IVD: variants seen among roughly 807,000 people sequenced by gnomAD.
The protein encoded by IVD is isovaleryl-CoA dehydrogenase, also known as isovaleryl-CoA dehydrogenase, mitochondrial.
In IVD, 31 loss-of-function variants were observed where a neutral mutation model predicts 51.3. The ratio of observed to expected loss-of-function variants is 0.60; its 90% CI spans 0.45 to 0.81. The LOEUF (loss-of-function observed/expected upper bound fraction) is 0.81. Among genes scored for constraint, IVD ranks in the 40% least tolerant of loss-of-function variants. The pLI is 0.00. For synonymous variants in IVD, 205 were observed against 219.4 expected (o/e 0.93, Z 0.58); for missense variants, 475 against 552.0 (o/e 0.86, Z 1.40).
chr15:40,408,468 C>A (rs1890701332), intron 3 of IVD, among the ~76,000 whole-genome samples: 1 of 152,130 alleles, frequency 6.6e-6, no homozygotes, highest in South Asian at 2.1e-4. Flanking sequence ...CATTTGGGAG[C>A]AGATAGCGGG....
rs1891943799 is a variant in IVD, at chr15:40,418,345, C to A, written c.*82C>A. The A allele has an allele frequency of 1.2e-6, 2 of 1,603,868 alleles. No homozygotes were observed. Among genetic ancestry groups the A allele is most frequent in the South Asian group, 2.2e-5 (2 of 90,220 alleles). On this transcript the variant is annotated 3_prime_UTR_variant, in exon 12 of 12. Transcript: ENST00000487418. Reference sequence around the variant, plus strand: ...GATGTGGCGGCTTTCCCACCCTGCCCACAGCAGGCCCTCCTGCCCAGCTGC... The same window carrying A: ...GATGTGGCGGCTTTCCCACCCTGCCAACAGCAGGCCCTCCTGCCCAGCTGC...
chr15:40,435,227 T>C (rs892323228), intron 8 of IVD, among the ~76,000 whole-genome samples: 1 of 152,146 alleles, frequency 6.6e-6, no homozygotes, highest in Admixed American at 6.5e-5. Flanking sequence ...CCCATGTTTG[T>C]CTTTCTTGTT....
chr15:40,424,284 C>G (rs1892542022), downstream of IVD: 7 of 844,878 alleles, frequency 8.3e-6, no homozygotes, highest in Non-Finnish European at 1.0e-5. Context: ...TCTGCTGCTT[C>G]CCTCCTTCCC....
downstream of IVD, among the ~76,000 whole-genome samples, chr15:40,423,621 C>G (rs1422752638): frequency 3.9e-5 from 6 of 152,078 alleles, no homozygotes; most frequent in Non-Finnish European, 8.8e-5. Flanking sequence ...ACCACCATGC[C>G]CGGCTAATTT....
At position 40,418,850 on chromosome 15, in the gene IVD, T is replaced by G; in HGVS notation, c.*587T>G. 1.2e-6 allele frequency: 1 copy of G among 836,580 alleles called. No homozygotes were observed. The highest frequency in any genetic ancestry group is 1.5e-6 in the Non-Finnish European group (1 of 653,830). 51.8% of individuals were successfully genotyped at this position (836,580 alleles called of 1,614,324 possible). On this transcript the variant is annotated 3_prime_UTR_variant, in exon 12 of 12. Coordinates refer to ENST00000487418, the MANE Select transcript of IVD (RefSeq NM_002225.5). ...GGGGAAAAAAATAATAAACCTAGCC[T>G]AGCCAGGCGTGGTGGCTCATGCTTG...
At chr15:40,422,482 G>A (rs11635071), downstream of IVD, among the ~76,000 whole-genome samples, 69,542 of 149,006 alleles carry the variant, frequency 0.47, 18,030 homozygotes, top group East Asian at 0.79. Context: ...ACGGGGTTTC[G>A]CCGTGTTAGC....
intron 7 of IVD, chr15:40,414,478 G>A: frequency 3.6e-6 from 1 of 278,492 alleles, no homozygotes; most frequent in Admixed American, 4.1e-5. Flanking sequence ...GGACTACTCT[G>A]CAGGGAGGTG....
chr15:40,422,164 C>T (rs1409536231), downstream of IVD, among the ~76,000 whole-genome samples: 2 of 152,248 alleles, frequency 1.3e-5, no homozygotes, highest in Non-Finnish European at 2.9e-5. Context: ...TGGCCTTTGC[C>T]TGGGGTTCAA....
chr15:40,407,599 T>C lies in IVD; in HGVS notation c.145-37T>C. 2.1e-6 allele frequency: 3 copies of C among 1,430,002 alleles called. No individual in the cohort carries two copies. In the Admixed American group the frequency reaches 5.0e-5, roughly 24 times the overall value. The allele number at this position is 1,430,002 out of a possible 1,614,324, so 88.6% of individuals were successfully genotyped here. A position where few individuals can be genotyped will look rare whatever the true frequency, so the allele number is the denominator to read the frequency against. On this transcript the variant is annotated intron_variant, in intron 1 of 11. Coordinates refer to ENST00000487418, the MANE Select transcript of IVD (RefSeq NM_002225.5). The stretch of plus-strand genomic sequence containing the variant: ...GAATGTGTCTGGGTAGTGGAGATGC[T>C]GTCTGCAGTGGCATCTGTTTACCTC...
chr15:40,435,405 T>C lies in IVD; in HGVS notation c.781-12T>C, dbSNP rs1310550382. On this transcript the variant is annotated splice_polypyrimidine_tract_variant and intron_variant, in intron 8 of 8. Coordinates refer to the IVD transcript ENST00000473112. ...TGTGGACAGCGCTAAAAGAGGGCTC[T>C]CTTTCCCCTAGGGCAGACCTTTTCC... 5.3e-6 allele frequency: 6 copies of C among 1,127,688 alleles called. No individual in the cohort carries two copies. In the Admixed American group the frequency reaches 1.8e-4, roughly 34 times the overall value. 69.9% of individuals were successfully genotyped at this position (1,127,688 alleles called of 1,614,324 possible). A position where few individuals can be genotyped will look rare whatever the true frequency, so the allele number is the denominator to read the frequency against.
At chr15:40,411,464 AG>A in intron 5 of IVD, 90 bp from the exon 6 acceptor site, 1 of 1,603,924 alleles carries the variant, frequency 6.2e-7, no homozygotes, top group Non-Finnish European at 8.5e-7. Context: ...ACTTTCTCAA[AG>A]GTGGACAGCT....
intron 6 of IVD, 29 bp from the exon 7 acceptor site, chr15:40,412,962 A>C: frequency 6.2e-7 from 1 of 1,600,804 alleles, no homozygotes; most frequent in Non-Finnish European, 8.6e-7. Flanking sequence ...CTAATCTGTA[A>C]CCAGGACCAC....
chr15:40,421,061 G>A lies in IVD; in HGVS notation c.*2798G>A. 1 of 985,466 alleles carries A rather than the reference G, an allele frequency of 1.0e-6. No homozygotes were observed. Among genetic ancestry groups the A allele is most frequent in the South Asian group, 4.7e-5 (1 of 21,290 alleles). The allele number at this position is 985,466 out of a possible 1,614,324, so 61.0% of individuals were successfully genotyped here. A position where few individuals can be genotyped will look rare whatever the true frequency, so the allele number is the denominator to read the frequency against. ...TCCCATCCTGAGGGCAAGATCCTGG[G>A]CTCATAGGCAGTCCCTTTCACTTCC... is the stretch of plus-strand genomic sequence containing the variant. On this transcript the variant is annotated 3_prime_UTR_variant, in exon 12 of 12. Coordinates refer to ENST00000487418, the MANE Select transcript of IVD (RefSeq NM_002225.5).
Position 40,421,036 on chromosome 15 carries a change from T to C in IVD, c.*2773T>C. On this transcript the variant is annotated 3_prime_UTR_variant, in exon 12 of 12. Transcript: ENST00000487418. ...TGGCTCCTCACCAACCCCAGTTCCG[T>C]CCCATCCTGAGGGCAAGATCCTGGG... The C allele has an allele frequency of 3.0e-6, 3 of 985,448 alleles. No individual in the cohort carries two copies. Among genetic ancestry groups the C allele is most frequent in the Non-Finnish European group, 3.6e-6 (3 of 829,978 alleles). 61.0% of individuals were successfully genotyped at this position (985,448 alleles called of 1,614,324 possible).
rs113309937 is a variant in IVD at position 40,416,256 on chromosome 15, G to A, written c.1066-34G>A. On this transcript the variant is annotated intron_variant, in intron 10 of 11. Coordinates refer to ENST00000487418, the MANE Select transcript of IVD (RefSeq NM_002225.5). ...CTGAGACTTGCTGTCTGCGTGCCTC[G>A]CAGGGCCCTGCTGACCCCAGCTTCC... 1.8e-3 allele frequency: 2,882 copies of A among 1,613,550 alleles called. 54 individuals are homozygous for A. The African/African-American group carries it at 0.032, about 18-fold the overall frequency.
chr15:40,415,074 C>T, intron 8 of IVD, 92 bp downstream of exon 8: 1 of 1,444,162 alleles, frequency 6.9e-7, no homozygotes, highest in African/African-American at 1.4e-5. Flanking sequence ...CCTTGCGGGG[C>T]CAAAGGGAGC....
At chr15:40,428,488 C>G (rs1892793634), downstream of IVD, among the ~76,000 whole-genome samples, 3 of 152,140 alleles carry the variant, frequency 2.0e-5, no homozygotes, top group African/African-American at 7.2e-5. Flanking sequence ...GGTACCCTCC[C>G]TCCCTAGGAG....
chr15:40,409,923 A>T (rs1595765423), intron 3 of IVD, among the ~76,000 whole-genome samples: 1 of 142,038 alleles, frequency 7.0e-6, no homozygotes, highest in Admixed American at 7.6e-5. Flanking sequence ...TGCAAGCTCC[A>T]CCTGCCAGGT....
In IVD at chr15:40,420,458, G is replaced by A. The variant is rs757183267; in HGVS notation, c.*2195G>A. 3.6e-5 allele frequency: 36 copies of A among 987,586 alleles called. No homozygotes were observed. The highest frequency in any genetic ancestry group is 1.2e-4 in the Admixed American group (2 of 16,284). The allele number at this position is 987,586 out of a possible 1,614,324, so 61.2% of individuals were successfully genotyped here. A position where few individuals can be genotyped will look rare whatever the true frequency, so the allele number is the denominator to read the frequency against. On this transcript the variant is annotated 3_prime_UTR_variant, in exon 12 of 12. Coordinates refer to ENST00000487418, the MANE Select transcript of IVD (RefSeq NM_002225.5). Reference sequence around the variant, plus strand: ...ATATTGTGAAACAAACCTATCTGGGGAGAAGCAATCTACTTGCCGCTGCTT... The same window carrying A: ...ATATTGTGAAACAAACCTATCTGGGAAGAAGCAATCTACTTGCCGCTGCTT...
Sources: gnomAD v4.1 joint callset for allele counts (sites outside exome capture counted in the v4.1 genomes callset) on GRCh38, gnomAD v4.1.1 for gene constraint, MANE v1.5 for transcripts, NCBI Gene and HGNC (gene_info 2026-07-23, HGNC 2026-07-21) for gene names.